Variants in KIAA0825 observed in about 807,000 individuals in gnomAD.
The protein encoded by KIAA0825 is KIAA0825.
KIAA0825 carries 119 observed loss-of-function variants against 147.6 expected under a neutral mutation model. That is an observed-to-expected ratio of 0.81 (90% CI 0.69 to 0.94). The LOEUF is 0.94. Among genes scored for constraint, KIAA0825 ranks in the 40% least tolerant of loss-of-function variants. KIAA0825 has a pLI of 0.00. For missense variants in KIAA0825, 1,381 were observed against 1,472.7 expected (o/e 0.94, Z 1.02); for synonymous variants, 470 against 518.1 (o/e 0.91, Z 1.26).
At chr5:94,508,432 T>C (rs942069577) in intron 5 of KIAA0825, among the ~76,000 whole-genome samples, 1 of 152,114 alleles carries the variant, frequency 6.6e-6, no homozygotes, top group African/African-American at 2.4e-5. Context: ...CAAGAAGCTA[T>C]AAAATGTTCC....
chr5:94,263,226 A>G (rs1037760505), intron 20 of KIAA0825, among the ~76,000 whole-genome samples: 11 of 152,148 alleles, frequency 7.2e-5, no homozygotes, highest in Admixed American at 6.6e-4. Flanking sequence ...TAGCAACACA[A>G]ATGTTCTCTG....
intron 2 of KIAA0825, among the ~76,000 whole-genome samples, chr5:94,554,715 ACT>A (rs1491538534): frequency 0.02 from 1,510 of 75,272 alleles, 22 homozygotes; most frequent in Non-Finnish European, 0.029. Flanking sequence ...TGTTCTGTGT[ACT>A]ATATATATAT....
chr5:94,395,427 C>T (rs1416918857), intron 17 of KIAA0825, among the ~76,000 whole-genome samples: 3 of 152,122 alleles, frequency 2.0e-5, no homozygotes, highest in Non-Finnish European at 4.4e-5. Context: ...TTATCAATAC[C>T]ATGCAATTCT....
chr5:94,459,402 A>G (rs1759535047), intron 12 of KIAA0825, among the ~76,000 whole-genome samples: 2 of 152,094 alleles, frequency 1.3e-5, no homozygotes, highest in Admixed American at 1.3e-4. Context: ...TCTACGCTTA[A>G]CATTTTGGGG....
intron 20 of KIAA0825, among the ~76,000 whole-genome samples, chr5:94,182,076 C>A (rs1769669373): frequency 6.6e-6 from 1 of 151,778 alleles, no homozygotes. Context: ...TTCCTGCTCG[C>A]ATATCCAGCT....
chr5:94,404,453 T>C (rs888788726), intron 15 of KIAA0825, among the ~76,000 whole-genome samples: 2 of 149,172 alleles, frequency 1.3e-5, no homozygotes, highest in Non-Finnish European at 3.0e-5. Flanking sequence ...TTTTCTTCTT[T>C]CCTTCTTTCC....
At chr5:94,181,798 G>T (rs1265314330) in intron 20 of KIAA0825, among the ~76,000 whole-genome samples, 1 of 152,086 alleles carries the variant, frequency 6.6e-6, no homozygotes, top group African/African-American at 2.4e-5. Flanking sequence ...TTTAACTATG[G>T]CTGAGGATGG....
chr5:94,326,470 G>A (rs969043034), intron 20 of KIAA0825, among the ~76,000 whole-genome samples: 4 of 152,088 alleles, frequency 2.6e-5, no homozygotes, highest in African/African-American at 9.7e-5. Flanking sequence ...AAACTATATC[G>A]TTTCTGTGGT....
chr5:94,252,794 A>G lies in KIAA0825; in HGVS notation c.3711-98670T>C, dbSNP rs368507420. Among the ~76,000 whole-genome samples, 7 of 152,166 alleles carry G rather than the reference A, an allele frequency of 4.6e-5. No individual in the cohort carries two copies. In the East Asian group the frequency reaches 5.8e-4, roughly 13 times the overall value. On this transcript the variant is annotated intron_variant, in intron 20 of 20. Coordinates refer to ENST00000682413, the MANE Select transcript of KIAA0825 (RefSeq NM_001145678.3). ...AATACTCTTGAATGCTTACATACCT[A>G]GCAACTGTGGATATTATTGTAATTA...
Position 94,394,499 on chromosome 5 carries a change from G to T in KIAA0825, c.3296+1602C>A, listed in dbSNP as rs29923. ...TCCCCGTATAGGAGATACCAGATGT[G>T]TTGGGGCTGTTTATAAAACTTAAAT... On this transcript the variant is annotated intron_variant, in intron 17 of 20. Coordinates refer to ENST00000682413, the MANE Select transcript of KIAA0825 (RefSeq NM_001145678.3). 2.6e-5 allele frequency among the ~76,000 whole-genome samples: 4 copies of T among 152,084 alleles called. No individual in the cohort carries two copies. In the East Asian group the frequency reaches 7.7e-4, roughly 29 times the overall value.
chr5:94,193,808 TC>T (rs770973989), intron 20 of KIAA0825, among the ~76,000 whole-genome samples: 1 of 152,066 alleles, frequency 6.6e-6, no homozygotes, highest in Non-Finnish European at 1.5e-5. Context: ...AGTTCTGGAG[TC>T]CATGCTCTGT....
At chr5:94,583,117 G>A (rs1215573421) in intron 1 of KIAA0825, among the ~76,000 whole-genome samples, 4 of 152,128 alleles carry the variant, frequency 2.6e-5, no homozygotes, top group African/African-American at 7.2e-5. Flanking sequence ...CGCATAAGAC[G>A]GGTGATTTCT....
intron 4 of KIAA0825, among the ~76,000 whole-genome samples, chr5:94,522,541 A>C (rs1007338434): frequency 6.6e-6 from 1 of 151,686 alleles, no homozygotes; most frequent in Non-Finnish European, 1.5e-5. Context: ...ACTTCAGTAC[A>C]TCTGCCATAA....
At chr5:94,164,415 ATT>A (rs35874579) in intron 20 of KIAA0825, among the ~76,000 whole-genome samples, 19 of 143,118 alleles carry the variant, frequency 1.3e-4, no homozygotes, top group South Asian at 2.2e-4. Flanking sequence ...CAGTGAACTT[ATT>A]TTTTTTTTTT....
intron 1 of KIAA0825, among the ~76,000 whole-genome samples, chr5:94,610,401 C>G (rs566986386): frequency 6.8e-6 from 1 of 146,246 alleles, no homozygotes; most frequent in African/African-American, 2.6e-5. Flanking sequence ...AGCCTTCCAG[C>G]CTGGGTGACA....
chr5:94,312,992 T>G (rs573664144), intron 20 of KIAA0825, among the ~76,000 whole-genome samples: 8 of 151,596 alleles, frequency 5.3e-5, no homozygotes, highest in Non-Finnish European at 1.0e-4. Flanking sequence ...TGAAAATACA[T>G]AAGTATACAT....
intron 2 of KIAA0825, among the ~76,000 whole-genome samples, chr5:94,546,028 G>A (rs1774288497): frequency 6.6e-6 from 1 of 152,106 alleles, no homozygotes; most frequent in Admixed American, 6.6e-5. Flanking sequence ...ACGACAAGCT[G>A]ACTGACTGAA....
chr5:94,253,963 C>G (rs1266819290), intron 20 of KIAA0825, among the ~76,000 whole-genome samples: 1 of 152,254 alleles, frequency 6.6e-6, no homozygotes, highest in East Asian at 1.9e-4. Flanking sequence ...AGAACAATTT[C>G]TAATTCTTGC....
chr5:94,271,905 G>A (rs187031313), intron 20 of KIAA0825, among the ~76,000 whole-genome samples: 26 of 152,172 alleles, frequency 1.7e-4, no homozygotes, highest in African/African-American at 5.1e-4. Context: ...CCAAGATTTG[G>A]AAGCAACCTA....
Sources: gnomAD v4.1 joint callset for allele counts (sites outside exome capture counted in the v4.1 genomes callset) on GRCh38, gnomAD v4.1.1 for gene constraint, MANE v1.5 for transcripts, NCBI Gene and HGNC (gene_info 2026-07-23, HGNC 2026-07-21) for gene names.